SV2C: variants seen among roughly 807,000 people sequenced by gnomAD.
SV2C encodes the protein solute carrier family 22 member B3.
In SV2C, 49 loss-of-function variants were observed where a neutral mutation model predicts 79.7. The observed-to-expected ratio is 0.61, with a 90% CI of 0.49 to 0.78. SV2C has a LOEUF of 0.78. Among genes scored for constraint, SV2C ranks in the 30% least tolerant of loss-of-function variants. The pLI is 0.00. For missense variants in SV2C, 833 were observed against 912.9 expected (o/e 0.91, Z 1.13); for synonymous variants, 334 against 333.2 (o/e 1.00, Z -0.03).
intron 4 of SV2C, among the ~76,000 whole-genome samples, chr5:76,273,452 T>C (rs764100680): frequency 3.4e-4 from 51 of 152,120 alleles, no homozygotes; most frequent in Admixed American, 2.2e-3. Flanking sequence ...CTTTGCATAT[T>C]TGGGGCACTC....
At chr5:76,113,715 T>A (rs1019319734) in intron 1 of SV2C, among the ~76,000 whole-genome samples, 1 of 152,296 alleles carries the variant, frequency 6.6e-6, no homozygotes, top group East Asian at 1.9e-4. Context: ...ACTAAGGAAT[T>A]AAGAGAGAAA....
In SV2C at chr5:76,171,538, GC is replaced by G. The variant is rs1011700755; in HGVS notation, c.581-23378del. Among the ~76,000 whole-genome samples, 24 of 140,422 alleles carry G rather than the reference GC, an allele frequency of 1.7e-4. 1 individual carries two copies. Among genetic ancestry groups the G allele is most frequent in the Admixed American group, 1.4e-3 (20 of 14,400 alleles). The allele number at this position is 140,422 out of a possible 152,430, so 92.1% of individuals were successfully genotyped here. On this transcript the variant is annotated intron_variant, in intron 2 of 12. Coordinates refer to ENST00000502798, the MANE Select transcript of SV2C (RefSeq NM_014979.4). Reference sequence around the variant, plus strand: ...CGTCTGAGAAGTGAGGAGCCTCTCCGCCCGGCAGCCACCCCATCTGGGAAGT... The same window carrying G: ...CGTCTGAGAAGTGAGGAGCCTCTCCGCCGGCAGCCACCCCATCTGGGAAGT...
intron 6 of SV2C, among the ~76,000 whole-genome samples, chr5:76,287,293 A>G (rs957028735): frequency 2.6e-5 from 4 of 152,232 alleles, no homozygotes; most frequent in Non-Finnish European, 5.9e-5. Context: ...GAAAGTAGCT[A>G]TATAGGAAAC....
chr5:75,943,954 T>C, the SV2C span, among the ~76,000 whole-genome samples: 2 of 152,308 alleles, frequency 1.3e-5, no homozygotes, highest in African/African-American at 4.8e-5. Flanking sequence ...TCCATGTTTT[T>C]ATACACTAAA....
At chr5:76,014,047 T>G in the SV2C span, among the ~76,000 whole-genome samples, 1 of 150,980 alleles carries the variant, frequency 6.6e-6, no homozygotes, top group South Asian at 2.1e-4. Flanking sequence ...TTCTACCAGC[T>G]AAATGCCACT....
At chr5:75,855,324 A>G in the SV2C span, among the ~76,000 whole-genome samples, 1,918 of 152,234 alleles carry the variant, frequency 0.013, 34 homozygotes, top group African/African-American at 0.043. Flanking sequence ...GCTTGAAGAG[A>G]GAAATACAAT....
At chr5:75,865,958 C>T in the SV2C span, among the ~76,000 whole-genome samples, 1 of 152,114 alleles carries the variant, frequency 6.6e-6, no homozygotes, top group African/African-American at 2.4e-5. Flanking sequence ...GGTTGGACTC[C>T]CACTGACAAA....
At chr5:76,262,394 G>A (rs1270399858) in intron 4 of SV2C, among the ~76,000 whole-genome samples, 1 of 151,982 alleles carries the variant, frequency 6.6e-6, no homozygotes, top group African/African-American at 2.4e-5. Flanking sequence ...CCAGCTCCTG[G>A]ATTCATTGAT....
At chr5:76,078,704 C>T (rs1048671030), upstream of SV2C, 27 of 507,366 alleles carry the variant, frequency 5.3e-5, no homozygotes, top group African/African-American at 4.3e-4. Flanking sequence ...ACTTCATGCT[C>T]GGTGCCAAAG....
chr5:76,105,464 C>T (rs1693612809), intron 1 of SV2C, among the ~76,000 whole-genome samples: 1 of 152,140 alleles, frequency 6.6e-6, no homozygotes, highest in South Asian at 2.1e-4. Flanking sequence ...CTCTCTCGGT[C>T]CCTCAAACCA....
chr5:76,254,273 G>GAT (rs1746206050), intron 4 of SV2C, among the ~76,000 whole-genome samples: 3 of 150,910 alleles, frequency 2.0e-5, no homozygotes, highest in Non-Finnish European at 2.9e-5. Context: ...GAGAGAGAGA[G>GAT]ATATTAAAAA....
At chr5:76,049,594 A>G in the SV2C span, among the ~76,000 whole-genome samples, 2 of 152,348 alleles carry the variant, frequency 1.3e-5, no homozygotes, top group East Asian at 3.9e-4. Context: ...CCCCAATTCT[A>G]AGGTGCTAGA....
At chr5:76,349,417 C>T (rs1749606302) in intron 12 of SV2C, among the ~76,000 whole-genome samples, 1 of 151,762 alleles carries the variant, frequency 6.6e-6, no homozygotes, top group African/African-American at 2.4e-5. Context: ...GAGGCTGAGG[C>T]AGGAGAATCA....
intron 1 of SV2C, among the ~76,000 whole-genome samples, chr5:76,126,284 G>A (rs115885900): frequency 1.6e-3 from 244 of 152,274 alleles, no homozygotes; most frequent in African/African-American, 5.4e-3. Flanking sequence ...TTTTTGAACC[G>A]TGATTTTTGC....
the SV2C span, among the ~76,000 whole-genome samples, chr5:75,941,906 G>C: frequency 6.6e-6 from 1 of 152,184 alleles, no homozygotes; most frequent in Non-Finnish European, 1.5e-5. Context: ...CTGGAGAAAG[G>C]AATGCTGCAC....
At chr5:76,126,471 C>T (rs1418721943) in intron 1 of SV2C, among the ~76,000 whole-genome samples, 1 of 152,154 alleles carries the variant, frequency 6.6e-6, no homozygotes, top group Non-Finnish European at 1.5e-5. Context: ...TCTTGGAAAG[C>T]TCCCCTCTCA....
the SV2C span, among the ~76,000 whole-genome samples, chr5:75,872,303 AATAAAAATT>A: frequency 1.3e-5 from 2 of 151,910 alleles, no homozygotes; most frequent in East Asian, 1.9e-4. Flanking sequence ...TACTGAAAGA[AATAAAAATT>A]ATAAAAATTC....
Position 76,330,662 on chromosome 5 carries a change from G to C in SV2C, c.*5115G>C, listed in dbSNP as rs149447656. 6.6e-6 allele frequency: 1 copy of C among 151,936 alleles called. No homozygotes were observed. Among genetic ancestry groups the C allele is most frequent in the African/African-American group, 2.4e-5 (1 of 41,398 alleles). The allele number at this position is 151,936 out of a possible 1,614,324, so 9.4% of individuals were successfully genotyped here. On this transcript the variant is annotated 3_prime_UTR_variant, in exon 13 of 13. Coordinates refer to ENST00000502798, the MANE Select transcript of SV2C (RefSeq NM_014979.4). ...TTCAGTCATTGAGATAACCTTTGAT[G>C]AGAGGAGAAAGCTCCTTGATTACCT...
chr5:76,051,133 A>G, the SV2C span, among the ~76,000 whole-genome samples: 1 of 152,206 alleles, frequency 6.6e-6, no homozygotes, highest in Admixed American at 6.5e-5. Flanking sequence ...GTAGACCTTA[A>G]TAGTCTGTGA....
Sources: gnomAD v4.1 joint callset for allele counts (sites outside exome capture counted in the v4.1 genomes callset) on GRCh38, gnomAD v4.1.1 for gene constraint, MANE v1.5 for transcripts, NCBI Gene and HGNC (gene_info 2026-07-23, HGNC 2026-07-21) for gene names.